GPR39: variants seen among roughly 807,000 people sequenced by gnomAD.
GPR39 encodes zinc sensing receptor.
GPR39 carries 23 observed loss-of-function variants against 18.4 expected under a neutral mutation model. The observed-to-expected ratio is 1.25, with a 90% CI of 0.90 to 1.77. The LOEUF (loss-of-function observed/expected upper bound fraction) is 1.77, where lower values mean the gene tolerates loss of function less well. Among genes scored for constraint, GPR39 ranks in the 40% most tolerant of loss-of-function variants. The pLI is 0.00. For missense variants in GPR39, 647 were observed against 602.4 expected (o/e 1.07, Z -0.78); for synonymous variants, 280 against 257.9 (o/e 1.09, Z -0.82).
chr2:132,416,987 G>C lies in GPR39; in HGVS notation c.-56G>C, dbSNP rs561127488. 18 of 1,580,796 alleles carry C rather than the reference G, an allele frequency of 1.1e-5. No homozygotes were observed. The highest frequency in any genetic ancestry group is 1.5e-5 in the Non-Finnish European group (18 of 1,162,848). On this transcript the variant is annotated 5_prime_UTR_variant, in exon 1 of 2. Transcript: ENST00000329321. ...AGCCAAGAATTTTGGACGCTGCTGG[G>C]AGGAGAAAGGGAAGTTGAGAAAGTC... is the stretch of plus-strand genomic sequence containing the variant.
chr2:132,475,620 T>A (rs1476318561), intron 1 of GPR39, among the ~76,000 whole-genome samples: 2 of 151,980 alleles, frequency 1.3e-5, no homozygotes, highest in Admixed American at 6.6e-5. Context: ...TCGTTAGGGC[T>A]CTGATTGTGA....
chr2:132,571,498 G>C (rs1245975022), intron 1 of GPR39, among the ~76,000 whole-genome samples: 2 of 152,138 alleles, frequency 1.3e-5, no homozygotes, highest in African/African-American at 4.8e-5. Flanking sequence ...CTTTACATGA[G>C]AAAGAAAACT....
At chr2:132,504,893 G>A (rs1046929796) in intron 1 of GPR39, among the ~76,000 whole-genome samples, 13 of 152,186 alleles carry the variant, frequency 8.5e-5, no homozygotes, top group Middle Eastern at 3.4e-3. Context: ...TTGTGTACAC[G>A]ACCTATTCTA....
intron 1 of GPR39, among the ~76,000 whole-genome samples, chr2:132,609,606 T>A (rs1681205294): frequency 6.6e-6 from 1 of 152,190 alleles, no homozygotes; most frequent in South Asian, 2.1e-4. Flanking sequence ...TCTGATGATA[T>A]ATTGAATGCC....
chr2:132,471,951 A>G (rs1681040772), intron 1 of GPR39, among the ~76,000 whole-genome samples: 1 of 152,164 alleles, frequency 6.6e-6, no homozygotes, highest in African/African-American at 2.4e-5. Flanking sequence ...GGATAGACCA[A>G]TGTTCTTTCC....
intron 1 of GPR39, among the ~76,000 whole-genome samples, chr2:132,459,391 G>A (rs550145915): frequency 4.6e-5 from 7 of 152,106 alleles, no homozygotes; most frequent in East Asian, 1.9e-4. Flanking sequence ...TTCTTTTCTC[G>A]TTCTCTCCCT....
chr2:132,491,187 A>G (rs1326790191), intron 1 of GPR39, among the ~76,000 whole-genome samples: 1 of 152,208 alleles, frequency 6.6e-6, no homozygotes, highest in African/African-American at 2.4e-5. Context: ...AACTGGAACA[A>G]TATAGGAATA....
intron 1 of GPR39, among the ~76,000 whole-genome samples, chr2:132,552,882 A>G (rs1216894873): frequency 9.9e-6 from 1 of 101,000 alleles, no homozygotes; most frequent in Admixed American, 9.4e-5. Context: ...ACACATATAT[A>G]TATACACACA....
intron 1 of GPR39, among the ~76,000 whole-genome samples, chr2:132,451,360 T>G (rs1680630597): frequency 6.6e-6 from 1 of 152,216 alleles, no homozygotes; most frequent in Non-Finnish European, 1.5e-5. Context: ...TAACGTGTCT[T>G]TCCAATTAAA....
chr2:132,592,323 C>A (rs1208681061), intron 1 of GPR39, among the ~76,000 whole-genome samples: 1 of 152,088 alleles, frequency 6.6e-6, no homozygotes, highest in East Asian at 1.9e-4. Flanking sequence ...GAAGTAAGCC[C>A]TGAGGGTACC....
At chr2:132,611,877 A>G (rs559884339) in intron 1 of GPR39, among the ~76,000 whole-genome samples, 4 of 152,296 alleles carry the variant, frequency 2.6e-5, no homozygotes, top group South Asian at 2.1e-4. Flanking sequence ...CAGTTAGTGA[A>G]GTGTTAATGT....
chr2:132,520,364 C>T (rs1288648208), intron 1 of GPR39, among the ~76,000 whole-genome samples: 1 of 152,182 alleles, frequency 6.6e-6, no homozygotes, highest in Non-Finnish European at 1.5e-5. Context: ...TTTTTGAATC[C>T]TTCATGCCAA....
At chr2:132,564,918 G>T (rs1680322040) in intron 1 of GPR39, among the ~76,000 whole-genome samples, 1 of 142,952 alleles carries the variant, frequency 7.0e-6, no homozygotes, top group African/African-American at 2.6e-5. Flanking sequence ...CCAGGCTCAA[G>T]CAATTCTCCT....
At position 132,416,963 on chromosome 2, in the gene GPR39, G is replaced by C. The variant is rs1262334345; in HGVS notation, c.-80G>C. 3.3e-6 allele frequency: 5 copies of C among 1,533,346 alleles called. No homozygotes were observed. Among genetic ancestry groups the C allele is most frequent in the Middle Eastern group, 2.1e-4 (1 of 4,704 alleles). The allele number at this position is 1,533,346 out of a possible 1,614,324, so 95.0% of individuals were successfully genotyped here. ...GTGCGCCCACGCAGGTGAGTTTGCA[G>C]CCAAGAATTTTGGACGCTGCTGGGA... On this transcript the variant is annotated 5_prime_UTR_variant, in exon 1 of 2. Coordinates refer to ENST00000329321, the MANE Select transcript of GPR39 (RefSeq NM_001508.3).
At chr2:132,439,933 A>G (rs1007517127) in intron 1 of GPR39, among the ~76,000 whole-genome samples, 1 of 152,156 alleles carries the variant, frequency 6.6e-6, no homozygotes, top group Non-Finnish European at 1.5e-5. Flanking sequence ...GGGCTGCTCC[A>G]GGCTGCCTCC....
intron 1 of GPR39, among the ~76,000 whole-genome samples, chr2:132,584,512 G>A (rs1452445045): frequency 6.6e-6 from 1 of 152,064 alleles, no homozygotes; most frequent in Non-Finnish European, 1.5e-5. Context: ...AGGGCAGGGA[G>A]GTTGAAAGGG....
At chr2:132,487,977 GA>G (rs1681375573) in intron 1 of GPR39, among the ~76,000 whole-genome samples, 1 of 152,160 alleles carries the variant, frequency 6.6e-6, no homozygotes, top group Non-Finnish European at 1.5e-5. Flanking sequence ...ATATCATAAT[GA>G]AATTGTAATG....
At chr2:132,557,068 C>G (rs369257456) in intron 1 of GPR39, among the ~76,000 whole-genome samples, 25 of 120,830 alleles carry the variant, frequency 2.1e-4, no homozygotes, top group African/African-American at 8.3e-4. Flanking sequence ...GTAATCCTGG[C>G]ACTTTGGGAG....
At chr2:132,488,851 T>TCTCTAACTCCCCAAATATCCA in intron 1 of GPR39, 1 of 170,090 alleles carries the variant, frequency 5.9e-6, no homozygotes, top group African/African-American at 2.4e-5. Context: ...TGTCAGCACC[T>TCTCTAACTCCCCAAATATCCA]CCACTTCTTC....
Sources: gnomAD v4.1 joint callset for allele counts (sites outside exome capture counted in the v4.1 genomes callset) on GRCh38, gnomAD v4.1.1 for gene constraint, MANE v1.5 for transcripts, NCBI Gene and HGNC (gene_info 2026-07-23, HGNC 2026-07-21) for gene names.